The following TENM2 variants were observed in gnomAD, a reference collection of about 807,000 sequenced individuals.
The protein encoded by TENM2 is teneurin transmembrane protein 2.
TENM2 carries 52 observed loss-of-function variants against 245.2 expected under a neutral mutation model. The ratio of observed to expected loss-of-function variants is 0.21; its 90% CI spans 0.17 to 0.27. The LOEUF is 0.27. Among genes scored for constraint, TENM2 ranks in the 10% least tolerant of loss-of-function variants. TENM2 has a pLI of 1.00. For missense variants in TENM2, 3,046 were observed against 3,666.8 expected (o/e 0.83, Z 4.37); for synonymous variants, 1,363 against 1,438.9 (o/e 0.95, Z 1.19).
the TENM2 span, among the ~76,000 whole-genome samples, chr5:167,178,170 A>T: frequency 6.6e-6 from 1 of 152,182 alleles, no homozygotes; most frequent in Non-Finnish European, 1.5e-5. Context: ...TTGCATCCCT[A>T]CAATCACAAA....
At chr5:167,808,940 T>C (rs1267389880) in intron 2 of TENM2, among the ~76,000 whole-genome samples, 1 of 152,212 alleles carries the variant, frequency 6.6e-6, no homozygotes, top group African/African-American at 2.4e-5. Flanking sequence ...CATTGTTTTA[T>C]GTATGAATAA....
chr5:167,280,624 T>C (rs1382824550), upstream of TENM2, among the ~76,000 whole-genome samples: 2 of 152,100 alleles, frequency 1.3e-5, no homozygotes, highest in Non-Finnish European at 2.9e-5. Context: ...TTTTCTTTCT[T>C]GTGAGCCTGC....
intron 2 of TENM2, among the ~76,000 whole-genome samples, chr5:167,860,234 G>A (rs1771632464): frequency 7.3e-6 from 1 of 136,060 alleles, no homozygotes; most frequent in Non-Finnish European, 1.6e-5. Context: ...CCGGGAGGGA[G>A]GTGGGGGGGG....
chr5:168,241,898 C>T (rs969026495), intron 25 of TENM2, among the ~76,000 whole-genome samples: 20 of 152,232 alleles, frequency 1.3e-4, no homozygotes, highest in African/African-American at 4.6e-4. Context: ...TATTATTTTC[C>T]TATGATCTGA....
At chr5:167,125,324 A>G in the TENM2 span, among the ~76,000 whole-genome samples, 1 of 152,256 alleles carries the variant, frequency 6.6e-6, no homozygotes, top group Non-Finnish European at 1.5e-5. Flanking sequence ...GTACACGATC[A>G]GTAACTTTGA....
At chr5:167,460,615 T>A (rs921653026) in intron 2 of TENM2, among the ~76,000 whole-genome samples, 1 of 146,522 alleles carries the variant, frequency 6.8e-6, no homozygotes, top group East Asian at 2.0e-4. Flanking sequence ...TTTTTTTTTT[T>A]CTCCCTTCTG....
At chr5:167,609,724 A>G (rs1777343655) in intron 2 of TENM2, among the ~76,000 whole-genome samples, 1 of 152,046 alleles carries the variant, frequency 6.6e-6, no homozygotes, top group Non-Finnish European at 1.5e-5. Flanking sequence ...TAGGCCCATG[A>G]GAAGCCACTT....
chr5:167,210,710 G>A, the TENM2 span, among the ~76,000 whole-genome samples: 4 of 151,766 alleles, frequency 2.6e-5, no homozygotes, highest in African/African-American at 4.8e-5. Flanking sequence ...TGATCCACCC[G>A]CCTCGGCCTC....
intron 4 of TENM2, among the ~76,000 whole-genome samples, chr5:167,983,078 A>G (rs1020239222): frequency 2.7e-5 from 4 of 149,998 alleles, no homozygotes; most frequent in African/African-American, 9.7e-5. Flanking sequence ...ATCTAAAGTC[A>G]AAGTCAGACG....
intron 2 of TENM2, among the ~76,000 whole-genome samples, chr5:167,707,070 C>T (rs1758584913): frequency 7.3e-6 from 1 of 137,780 alleles, no homozygotes; most frequent in African/African-American, 2.7e-5. Flanking sequence ...CTCCTCAAAA[C>T]TTGTTTTCTT....
At chr5:168,074,086 G>C (rs945632973) in intron 7 of TENM2, among the ~76,000 whole-genome samples, 1 of 152,182 alleles carries the variant, frequency 6.6e-6, no homozygotes, top group African/African-American at 2.4e-5. Flanking sequence ...ATCCCATTCT[G>C]AAACAGCTCT....
At chr5:168,238,172 AGAGAGAGAGAGAGGGAGGGAGGGAGG>A (rs1765683211) in intron 25 of TENM2, among the ~76,000 whole-genome samples, 1 of 77,076 alleles carries the variant, frequency 1.3e-5, no homozygotes, top group African/African-American at 9.3e-5. Flanking sequence ...AGAGAGAGAG[AGAGAGAGAGAGAGGGAGGGAGGGAGG>A]GAGGGAGGGA....
intron 2 of TENM2, among the ~76,000 whole-genome samples, chr5:167,498,119 G>A (rs770209251): frequency 2.0e-5 from 3 of 152,108 alleles, no homozygotes; most frequent in African/African-American, 4.8e-5. Context: ...GAGGGGGTGA[G>A]TTTGTTGTCC....
the TENM2 span, among the ~76,000 whole-genome samples, chr5:167,110,578 A>C: frequency 1.3e-5 from 2 of 152,216 alleles, no homozygotes; most frequent in Non-Finnish European, 2.9e-5. Context: ...CCTAGAATAT[A>C]CAGTTAATTG....
At chr5:167,333,240 G>A (rs1757558188) in intron 1 of TENM2, among the ~76,000 whole-genome samples, 1 of 152,132 alleles carries the variant, frequency 6.6e-6, no homozygotes, top group South Asian at 2.1e-4. Flanking sequence ...ATGGGAGGGG[G>A]AACACTCTTA....
In TENM2 at chr5:167,713,234, C is replaced by G. The variant is rs576499377; in HGVS notation, c.503-162752C>G. ...ATTTTTCCTACCCCCTACGAAGATT[C>G]TGTTTTCCCCTCTTCTAAAATATAA... is the stretch of plus-strand genomic sequence containing the variant. On this transcript the variant is annotated intron_variant, in intron 2 of 28. Transcript: ENST00000518659. Among the ~76,000 whole-genome samples the G allele has an allele frequency of 4.6e-5, 7 of 151,924 alleles. No homozygotes were observed. In the South Asian group the frequency reaches 6.3e-4, roughly 14 times the overall value.
chr5:167,431,489 A>C (rs1250816545), intron 2 of TENM2, among the ~76,000 whole-genome samples: 1 of 152,194 alleles, frequency 6.6e-6, no homozygotes, highest in Non-Finnish European at 1.5e-5. Flanking sequence ...AGTACTTCTT[A>C]ACAACCAAGA....
chr5:167,084,808 G>T, the TENM2 span, among the ~76,000 whole-genome samples: 2 of 152,086 alleles, frequency 1.3e-5, no homozygotes, highest in East Asian at 3.9e-4. Context: ...CTGATGTAAT[G>T]CATGACAGCT....
chr5:167,658,210 CTTTT>C (rs147052272), intron 2 of TENM2, among the ~76,000 whole-genome samples: 1 of 139,632 alleles, frequency 7.2e-6, no homozygotes. Context: ...TGTGCGAAGC[CTTTT>C]TTTTTTTTTT....
Sources: allele counts gnomAD v4.1 joint callset (sites outside exome capture counted in the v4.1 genomes callset), GRCh38; gene constraint gnomAD v4.1.1; transcripts MANE v1.5; gene names NCBI Gene and HGNC (gene_info 2026-07-23, HGNC 2026-07-21).